Variants in UBR1 observed in about 807,000 individuals in gnomAD.
The protein encoded by UBR1 is E3 ubiquitin-protein ligase UBR1.
In UBR1, 102 loss-of-function variants were observed where a neutral mutation model predicts 242.1. The ratio of observed to expected loss-of-function variants is 0.42; its 90% CI spans 0.36 to 0.50. The LOEUF is 0.50. UBR1 is among the 20% of genes least tolerant of loss of function. The pLI, the probability that UBR1 is intolerant of heterozygous loss-of-function variation, is 0.01. For synonymous variants in UBR1, 675 were observed against 684.8 expected (o/e 0.99, Z 0.22); for missense variants, 1,772 against 2,101.8 (o/e 0.84, Z 3.07).
intron 1 of UBR1, chr15:43,091,979 G>A (rs775452669): frequency 1.3e-4 from 58 of 451,264 alleles, no homozygotes; most frequent in South Asian, 7.6e-4. Context: ...CCAGCTATTC[G>A]GGAGGCTGAG....
chr15:42,968,557 C>T (rs1414604003), intron 40 of UBR1, among the ~76,000 whole-genome samples: 1 of 151,888 alleles, frequency 6.6e-6, no homozygotes, highest in East Asian at 1.9e-4. Flanking sequence ...TTATTATGCA[C>T]GTGCAGAACG....
intron 30 of UBR1, among the ~76,000 whole-genome samples, chr15:43,006,091 T>TAAAAAAAAAAAAAA (rs1257692507): frequency 5.6e-5 from 4 of 71,362 alleles, no homozygotes; most frequent in Admixed American, 1.5e-4. Context: ...CAATAAATAC[T>TAAAAAAAAAAAAAA]AAAAAAAAAA....
intron 1 of UBR1, among the ~76,000 whole-genome samples, chr15:43,105,677 A>G (rs1166662292): frequency 2.6e-5 from 4 of 152,172 alleles, no homozygotes; most frequent in Non-Finnish European, 4.4e-5. Flanking sequence ...GTCTAATAAC[A>G]TCACTGGTTC....
chr15:42,945,238 T>A lies in UBR1; in HGVS notation c.*91A>T, dbSNP rs191274063. The A allele has an allele frequency of 2.3e-4, 370 of 1,575,300 alleles. 2 individuals carry two copies. The East Asian group carries it at 7.9e-3, about 34-fold the overall frequency. On this transcript the variant is annotated 3_prime_UTR_variant, in exon 47 of 47. Coordinates refer to ENST00000290650, the MANE Select transcript of UBR1 (RefSeq NM_174916.3). ...GGACATGGAGCAAAAGACCCTCCAA[T>A]ACTTTCCCAGCCCTCAGAAAGTTTT...
At chr15:42,979,451 G>C (rs143461341) in intron 37 of UBR1, among the ~76,000 whole-genome samples, 121 of 152,282 alleles carry the variant, frequency 7.9e-4, no homozygotes, top group Non-Finnish European at 1.2e-3. Flanking sequence ...TATTGGCTGT[G>C]ACTACTGGTC....
intron 32 of UBR1, among the ~76,000 whole-genome samples, chr15:43,001,173 G>A (rs1468416612): frequency 4.0e-5 from 6 of 149,380 alleles, no homozygotes; most frequent in African/African-American, 1.5e-4. Context: ...TTGAGACGGA[G>A]TCTCACATTG....
At chr15:43,001,072 G>A (rs1488277144) in intron 32 of UBR1, among the ~76,000 whole-genome samples, 1 of 151,456 alleles carries the variant, frequency 6.6e-6, no homozygotes, top group Non-Finnish European at 1.5e-5. Flanking sequence ...GATCTCAGGT[G>A]ATCTGCCTGC....
intron 13 of UBR1, among the ~76,000 whole-genome samples, 158 bp downstream of exon 13, chr15:43,048,234 T>C (rs566846894): frequency 6.6e-6 from 1 of 151,542 alleles, no homozygotes; most frequent in East Asian, 1.9e-4. Context: ...TATAAAAGGA[T>C]CTATCAAAAC....
intron 19 of UBR1, among the ~76,000 whole-genome samples, chr15:43,033,166 C>T (rs533103308): frequency 1.2e-4 from 19 of 152,120 alleles, no homozygotes; most frequent in Admixed American, 8.5e-4. Flanking sequence ...CAGTGGCATG[C>T]GCCACTGCTC....
intron 1 of UBR1, among the ~76,000 whole-genome samples, chr15:43,103,810 A>G (rs1361583072): frequency 6.6e-6 from 1 of 152,246 alleles, no homozygotes; most frequent in African/African-American, 2.4e-5. Flanking sequence ...AAGATAAACA[A>G]TAAGGAGTAG....
chr15:42,969,214 C>T (rs2032162193), intron 40 of UBR1, among the ~76,000 whole-genome samples: 1 of 152,218 alleles, frequency 6.6e-6, no homozygotes, highest in African/African-American at 2.4e-5. Context: ...GCCATTCTAA[C>T]TGGCATGAAA....
At chr15:42,975,452 G>T (rs1298710403) in intron 39 of UBR1, among the ~76,000 whole-genome samples, 2 of 144,274 alleles carry the variant, frequency 1.4e-5, no homozygotes, top group Non-Finnish European at 1.6e-5. Context: ...TGTTTTTTTT[G>T]ATATCCCAAG....
intron 45 of UBR1, among the ~76,000 whole-genome samples, chr15:42,950,846 C>T (rs1323400408): frequency 6.6e-6 from 1 of 152,160 alleles, no homozygotes. Context: ...TTAAAAGAGC[C>T]ACTACCACCC....
intron 3 of UBR1, among the ~76,000 whole-genome samples, chr15:43,081,453 GT>G (rs1253475865): frequency 6.8e-6 from 1 of 146,280 alleles, no homozygotes; most frequent in Non-Finnish European, 1.5e-5. Flanking sequence ...AAAAGTTCCT[GT>G]TGTTCCACAT....
rs1168359372 is a variant in UBR1, at chr15:42,944,967, A to G, written c.*362T>C. ...GTCAGTTGAACTAAACTTGGGGGGA[A>G]AACACCAAATACAAAATTGCAGAAG... On this transcript the variant is annotated 3_prime_UTR_variant, in exon 47 of 47. Coordinates refer to ENST00000290650, the MANE Select transcript of UBR1 (RefSeq NM_174916.3). 3.7e-6 allele frequency: 1 copy of G among 271,376 alleles called. No individual in the cohort carries two copies. Among genetic ancestry groups the G allele is most frequent in the East Asian group, 9.7e-5 (1 of 10,354 alleles). 16.8% of individuals were successfully genotyped at this position (271,376 alleles called of 1,614,324 possible).
intron 46 of UBR1, 145 bp downstream of exon 46, chr15:42,950,117 G>T: frequency 1.3e-6 from 1 of 785,084 alleles, no homozygotes; most frequent in Non-Finnish European, 2.2e-6. Flanking sequence ...AGGAATACAG[G>T]TATAAGCCAC....
intron 29 of UBR1, among the ~76,000 whole-genome samples, chr15:43,015,201 A>AG (rs2033001828): frequency 6.6e-6 from 1 of 152,228 alleles, no homozygotes; most frequent in South Asian, 2.1e-4. Context: ...GGAACAGAAA[A>AG]GGGGGAAAGG....
intron 42 of UBR1, among the ~76,000 whole-genome samples, chr15:42,961,587 T>C (rs2032021072): frequency 1.3e-5 from 2 of 151,732 alleles, no homozygotes; most frequent in African/African-American, 4.8e-5. Context: ...CACGCCTGGC[T>C]AATTTTTGTA....
Position 42,988,805 on chromosome 15 carries a change from C to T in UBR1, c.3997+14G>A, listed in dbSNP as rs375861901. ...TCACTGAAACCTCCAAACCAGTTTTCTTATGAGCTTTACCAATTGCCTGGA... is the reference window on the plus strand; with the variant it reads ...TCACTGAAACCTCCAAACCAGTTTTTTTATGAGCTTTACCAATTGCCTGGA... On this transcript the variant is annotated intron_variant, in intron 35 of 46. Coordinates refer to ENST00000290650, the MANE Select transcript of UBR1 (RefSeq NM_174916.3). The T allele has an allele frequency of 6.2e-7, 1 of 1,614,058 alleles. No individual in the cohort carries two copies. The highest frequency in any genetic ancestry group is 8.5e-7 in the Non-Finnish European group (1 of 1,180,036).
Sources: allele counts gnomAD v4.1 joint callset (sites outside exome capture counted in the v4.1 genomes callset), GRCh38; gene constraint gnomAD v4.1.1; transcripts MANE v1.5; gene names NCBI Gene and HGNC (gene_info 2026-07-23, HGNC 2026-07-21).